The following MAGI2 variants were observed in gnomAD, a reference collection of about 807,000 sequenced individuals.
MAGI2 encodes the protein membrane-associated guanylate kinase, WW and PDZ domain-containing protein 2.
In MAGI2, 35 loss-of-function variants were observed where a neutral mutation model predicts 133.3. The ratio of observed to expected loss-of-function variants is 0.26; its 90% CI spans 0.20 to 0.35. The LOEUF (loss-of-function observed/expected upper bound fraction) is 0.35. Among genes scored for constraint, MAGI2 ranks in the 10% least tolerant of loss-of-function variants. The pLI, the probability that MAGI2 is intolerant of heterozygous loss-of-function variation, is 1.00. For synonymous variants in MAGI2, 729 were observed against 710.6 expected, an observed-to-expected ratio of 1.03 and a Z score of -0.41; for missense variants, 1,636 against 1,863.4, an observed-to-expected ratio of 0.88 and a Z score of 2.25.
intron 1 of MAGI2, among the ~76,000 whole-genome samples, chr7:79,383,598 A>T (rs1381538616): frequency 6.6e-6 from 1 of 151,602 alleles, no homozygotes; most frequent in South Asian, 2.1e-4. Flanking sequence ...ATGTTCACAT[A>T]CCACAAATTC....
chr7:79,199,789 G>A (rs1828428493), intron 1 of MAGI2, among the ~76,000 whole-genome samples: 1 of 151,904 alleles, frequency 6.6e-6, no homozygotes, highest in African/African-American at 2.4e-5. Context: ...GTGCAGCCGG[G>A]GGAGAGGTGA....
intron 21 of MAGI2, among the ~76,000 whole-genome samples, chr7:78,021,521 T>TA (rs1385975334): frequency 6.6e-6 from 1 of 152,226 alleles, no homozygotes; most frequent in Non-Finnish European, 1.5e-5. Flanking sequence ...TGAGGGTTCT[T>TA]ATATAGTACC....
chr7:78,521,638 G>A lies in MAGI2; in HGVS notation c.546C>T (p.Tyr182=). The A allele has an allele frequency of 6.2e-7, 1 of 1,613,860 alleles. No individual in the cohort carries two copies. The highest frequency in any genetic ancestry group is 8.5e-7 in the Non-Finnish European group (1 of 1,179,808). The change falls in exon 4 of 22, where the codon TAC becomes TAT. Residue 182 remains tyrosine, a synonymous_variant. Transcript: ENST00000354212. The part of the protein sequence containing the change: ...LLESGTYEDN[Y]YGTPKPPAEP... ...CTGCTGGCGGCTTTGGGGTACCGTA[G>A]TAATTGTCTGCAAACAATACCAAAA...
chr7:78,406,381 A>G (rs1043361255), intron 6 of MAGI2, among the ~76,000 whole-genome samples: 5 of 152,082 alleles, frequency 3.3e-5, no homozygotes, highest in African/African-American at 9.7e-5. Context: ...TGTAAACTTT[A>G]AACACTTATA....
intron 9 of MAGI2, among the ~76,000 whole-genome samples, chr7:78,300,204 C>T (rs1490061388): frequency 1.3e-5 from 2 of 152,164 alleles, no homozygotes; most frequent in African/African-American, 4.8e-5. Context: ...ATTACACTTG[C>T]TGCTGGGTCT....
At chr7:78,043,095 T>C (rs1173269097) in intron 21 of MAGI2, among the ~76,000 whole-genome samples, 1 of 152,236 alleles carries the variant, frequency 6.6e-6, no homozygotes, top group African/African-American at 2.4e-5. Context: ...TTTTCCTAAA[T>C]GTTAAATGTT....
At chr7:78,070,726 C>A (rs923699799) in intron 21 of MAGI2, among the ~76,000 whole-genome samples, 7 of 151,274 alleles carry the variant, frequency 4.6e-5, no homozygotes, top group African/African-American at 9.7e-5. Flanking sequence ...ACTGAAACCT[C>A]TGCCTCCCGG....
chr7:78,465,740 C>A (rs1269994688), intron 6 of MAGI2, among the ~76,000 whole-genome samples: 1 of 152,142 alleles, frequency 6.6e-6, no homozygotes, highest in Admixed American at 6.6e-5. Context: ...GCTATGATTT[C>A]TCTGCTTAAC....
chr7:79,214,405 C>CTATATA (rs1563003417), intron 1 of MAGI2, among the ~76,000 whole-genome samples: 7 of 30,514 alleles, frequency 2.3e-4, no homozygotes, highest in Admixed American at 1.2e-3. Context: ...CTCTCTCTCT[C>CTATATA]TCTATATATA....
intron 2 of MAGI2, among the ~76,000 whole-genome samples, chr7:78,948,667 T>A (rs747179527): frequency 1.6e-4 from 24 of 152,126 alleles, no homozygotes; most frequent in Admixed American, 6.6e-5. Context: ...TACATTAGAA[T>A]CAATAATAGA....
intron 2 of MAGI2, among the ~76,000 whole-genome samples, chr7:78,669,801 A>T (rs1019316505): frequency 6.6e-6 from 1 of 152,218 alleles, no homozygotes; most frequent in Admixed American, 6.5e-5. Flanking sequence ...CCAGCATATA[A>T]CAGAACCAAA....
Position 78,133,080 on chromosome 7 carries a change from C to A in MAGI2, c.3032-20G>T. ...TGAGCTCTGCGATGGAGAACCAAAG[C>A]GGCAGATGCAGTCAGGTTAGTGTTG... On this transcript the variant is annotated intron_variant, in intron 17 of 21. Coordinates refer to ENST00000354212, the MANE Select transcript of MAGI2 (RefSeq NM_012301.4). 5 of 1,520,994 alleles carry A rather than the reference C, an allele frequency of 3.3e-6. No individual in the cohort carries two copies. Among genetic ancestry groups the A allele is most frequent in the African/African-American group, 1.4e-5 (1 of 71,326 alleles). 94.2% of individuals were successfully genotyped at this position (1,520,994 alleles called of 1,614,324 possible). A position where few individuals can be genotyped will look rare whatever the true frequency, so the allele number is the denominator to read the frequency against.
chr7:78,845,419 T>C (rs1372429373), intron 2 of MAGI2, among the ~76,000 whole-genome samples: 1 of 151,886 alleles, frequency 6.6e-6, no homozygotes, highest in East Asian at 1.9e-4. Flanking sequence ...GAAGGTCAGC[T>C]CTAAACACAT....
chr7:78,893,667 A>G (rs948840775), intron 2 of MAGI2, among the ~76,000 whole-genome samples: 2 of 151,576 alleles, frequency 1.3e-5, no homozygotes, highest in Non-Finnish European at 2.9e-5. Flanking sequence ...ACTCACAGGT[A>G]GGAATTAAAC....
chr7:78,247,131 C>A (rs1013930211), intron 10 of MAGI2, among the ~76,000 whole-genome samples: 2 of 152,172 alleles, frequency 1.3e-5, no homozygotes, highest in African/African-American at 4.8e-5. Flanking sequence ...ATGTTAGACC[C>A]AACACCAAGA....
chr7:78,888,131 GC>G (rs977056645), intron 2 of MAGI2, among the ~76,000 whole-genome samples: 2 of 152,196 alleles, frequency 1.3e-5, no homozygotes, highest in African/African-American at 4.8e-5. Context: ...CTCGCTCATT[GC>G]TAGCACAGAA....
At chr7:78,936,584 C>G (rs1800536223) in intron 2 of MAGI2, among the ~76,000 whole-genome samples, 1 of 151,906 alleles carries the variant, frequency 6.6e-6, no homozygotes, top group South Asian at 2.1e-4. Flanking sequence ...AAGAATAACA[C>G]TAAAAATAAC....
At chr7:78,057,798 AT>A (rs1256141912) in intron 21 of MAGI2, among the ~76,000 whole-genome samples, 9 of 148,504 alleles carry the variant, frequency 6.1e-5, no homozygotes, top group Admixed American at 6.7e-5. Context: ...AAGCAGTGAG[AT>A]TTTTTTTTTG....
At chr7:78,989,945 A>G (rs1805604493) in intron 2 of MAGI2, among the ~76,000 whole-genome samples, 1 of 152,084 alleles carries the variant, frequency 6.6e-6, no homozygotes, top group Non-Finnish European at 1.5e-5. Context: ...TCAACTCTTA[A>G]GGATGACCAA....
Sources: gnomAD v4.1 joint callset for allele counts (sites outside exome capture counted in the v4.1 genomes callset) on GRCh38, gnomAD v4.1.1 for gene constraint, MANE v1.5 for transcripts, NCBI Gene and HGNC (gene_info 2026-07-23, HGNC 2026-07-21) for gene names.